MYO5A: variants seen among roughly 807,000 people sequenced by gnomAD.
MYO5A encodes myosin VA, also known as unconventional myosin-Va.
MYO5A carries 98 observed loss-of-function variants against 249.7 expected under a neutral mutation model. The observed-to-expected ratio is 0.39, with a 90% CI of 0.33 to 0.46. The LOEUF is 0.46. Among genes scored for constraint, MYO5A ranks in the 20% least tolerant of loss-of-function variants. The pLI, the probability that MYO5A is intolerant of heterozygous loss-of-function variation, is 0.98. For synonymous variants in MYO5A, 778 were observed against 810.6 expected (o/e 0.96, Z 0.68); for missense variants, 1,696 against 2,308.8 (o/e 0.73, Z 5.44).
At chr15:52,488,985 C>T (rs1405921052) in intron 1 of MYO5A, among the ~76,000 whole-genome samples, 1 of 152,138 alleles carries the variant, frequency 6.6e-6, no homozygotes, top group East Asian at 1.9e-4. Context: ...TTGTCAATAG[C>T]ATAACTAAAT....
rs2042270042 is a variant in MYO5A at position 52,392,206 on chromosome 15, C to T, written c.1402-136G>A. 5 of 841,326 alleles carry T rather than the reference C, an allele frequency of 5.9e-6. No individual in the cohort carries two copies. The South Asian group carries it at 6.5e-5, about 11-fold the overall frequency. 52.1% of individuals were successfully genotyped at this position (841,326 alleles called of 1,614,324 possible). On this transcript the variant is annotated intron_variant, in intron 11 of 41. Coordinates refer to ENST00000399233, the MANE Select transcript of MYO5A (RefSeq NM_001382347.1). ...CCTCACGGGAGAAGCATGATTTACA[C>T]ACAGAGAAAGCAAATAAAACAACAG... is the stretch of plus-strand genomic sequence containing the variant.
intron 5 of MYO5A, among the ~76,000 whole-genome samples, chr15:52,411,662 A>C (rs972148933): frequency 1.3e-5 from 2 of 152,236 alleles, no homozygotes; most frequent in Non-Finnish European, 2.9e-5. Flanking sequence ...AGGATTAGTA[A>C]ATTGAAACCA....
At chr15:52,501,654 C>T (rs1369467058) in intron 1 of MYO5A, among the ~76,000 whole-genome samples, 1 of 151,772 alleles carries the variant, frequency 6.6e-6, no homozygotes, top group Non-Finnish European at 1.5e-5. Flanking sequence ...TTTGTTTACA[C>T]TACTTGAAAA....
chr15:52,346,816 A>G (rs2039658796), intron 29 of MYO5A, among the ~76,000 whole-genome samples: 1 of 151,360 alleles, frequency 6.6e-6, no homozygotes, highest in African/African-American at 2.4e-5. Context: ...TAGTATATAC[A>G]GCATTAGAAA....
chr15:52,328,134 T>C lies in MYO5A; in HGVS notation c.4556-128A>G, dbSNP rs2038696184. The stretch of plus-strand genomic sequence containing the variant: ...CAAGGTAAGTAGGTAATATAAAAAG[T>C]GTATTTTAATAGCTCTTTAAGTAGA... On this transcript the variant is annotated intron_variant, in intron 35 of 41. Transcript: ENST00000399233. 4 of 755,614 alleles carry C rather than the reference T, an allele frequency of 5.3e-6. No homozygotes were observed. The Admixed American group carries it at 1.0e-4, about 19-fold the overall frequency. The allele number at this position is 755,614 out of a possible 1,614,324, so 46.8% of individuals were successfully genotyped here.
chr15:52,490,761 G>A (rs986155327), intron 1 of MYO5A, among the ~76,000 whole-genome samples: 7 of 152,024 alleles, frequency 4.6e-5, no homozygotes, highest in African/African-American at 1.7e-4. Context: ...TTCTGTTGCC[G>A]AGGCTGGAGT....
At chr15:52,364,939 CTAAT>C (rs1436497965) in intron 23 of MYO5A, among the ~76,000 whole-genome samples, 1 of 152,184 alleles carries the variant, frequency 6.6e-6, no homozygotes, top group Non-Finnish European at 1.5e-5. Context: ...CTTAGTACCA[CTAAT>C]TGATACACTG....
chr15:52,506,502 G>C (rs1657222811), intron 1 of MYO5A, among the ~76,000 whole-genome samples: 1 of 151,012 alleles, frequency 6.6e-6, no homozygotes, highest in Non-Finnish European at 1.5e-5. Context: ...ACTCCAGCCT[G>C]GGCAACAGAG....
intron 1 of MYO5A, among the ~76,000 whole-genome samples, chr15:52,517,667 C>T (rs558882631): frequency 2.0e-4 from 30 of 152,264 alleles, no homozygotes; most frequent in South Asian, 6.2e-4. Context: ...GCCAAGATCG[C>T]ACCAATGTGC....
chr15:52,466,794 C>A (rs916639278), intron 1 of MYO5A, among the ~76,000 whole-genome samples: 2 of 152,164 alleles, frequency 1.3e-5, no homozygotes, highest in Admixed American at 1.3e-4. Context: ...CCTGGGGGTT[C>A]CATGGCCCAA....
intron 28 of MYO5A, among the ~76,000 whole-genome samples, chr15:52,349,996 G>C (rs1028793442): frequency 6.6e-6 from 1 of 152,242 alleles, no homozygotes; most frequent in Non-Finnish European, 1.5e-5. Context: ...GCAGTGGCAC[G>C]ATCTCGGCTC....
chr15:52,452,334 T>C (rs1480037430), intron 1 of MYO5A, among the ~76,000 whole-genome samples: 1 of 152,108 alleles, frequency 6.6e-6, no homozygotes, highest in Non-Finnish European at 1.5e-5. Context: ...AAAATTTCCC[T>C]CTGACTGAGT....
intron 30 of MYO5A, 70 bp from the exon 31 acceptor site, chr15:52,343,267 A>T: frequency 8.1e-7 from 1 of 1,234,632 alleles, no homozygotes; most frequent in African/African-American, 1.5e-5. Flanking sequence ...GACGATGGTC[A>T]ACAGCAGCAT....
At chr15:52,422,755 C>T (rs2075307384) in intron 4 of MYO5A, among the ~76,000 whole-genome samples, 1 of 152,144 alleles carries the variant, frequency 6.6e-6, no homozygotes, top group South Asian at 2.1e-4. Context: ...CTTGCTCTGT[C>T]ACCCAGGCAG....
intron 5 of MYO5A, among the ~76,000 whole-genome samples, chr15:52,410,969 T>A (rs2444013): frequency 0.47 from 71,633 of 152,036 alleles, 18,655 homozygotes; most frequent in East Asian, 0.85. Flanking sequence ...ATATACTAAT[T>A]GTTTTTATTT....
intron 23 of MYO5A, 70 bp from the exon 24 acceptor site, chr15:52,364,772 C>T: frequency 1.3e-6 from 2 of 1,560,218 alleles, no homozygotes; most frequent in South Asian, 1.1e-5. Context: ...AACATGTATA[C>T]TGATTTCCAG....
intron 1 of MYO5A, among the ~76,000 whole-genome samples, chr15:52,475,282 T>G (rs1177799403): frequency 2.6e-5 from 4 of 152,224 alleles, no homozygotes; most frequent in African/African-American, 7.2e-5. Context: ...CTCTCTTTTC[T>G]TCTTTAGTAG....
chr15:52,444,079 G>T (rs894584053), intron 1 of MYO5A, among the ~76,000 whole-genome samples: 1 of 152,000 alleles, frequency 6.6e-6, no homozygotes, highest in Non-Finnish European at 1.5e-5. Flanking sequence ...GCAAATTGAT[G>T]GATATGCTTT....
chr15:52,433,276 C>A lies in MYO5A; in HGVS notation c.37G>T (p.Val13Phe). 6.2e-7 allele frequency: 1 copy of A among 1,612,312 alleles called. No homozygotes were observed. Among genetic ancestry groups the A allele is most frequent in the Non-Finnish European group, 8.5e-7 (1 of 1,178,638 alleles). ...ACTTCCTCTGGATCAGGTATCCAAA[C>A]CCTGGCAAACTAGAAGACAAAAAGA... ...ASELYTKFAR[V>F]WIPDPEEVWK... Residue 13 changes from valine to phenylalanine, a missense_variant, in exon 2 of 42, where the codon GTT becomes TTT. Physicochemically the swap from Val to Phe is conservative, Grantham distance 50. Around this residue, in one of 5 missense-constraint regions of MYO5A, gnomAD observed 197 missense variants for 320.3 expected, o/e 0.62. Transcript: ENST00000399233.
Sources: allele counts gnomAD v4.1 joint callset (sites outside exome capture counted in the v4.1 genomes callset), GRCh38; gene constraint gnomAD v4.1.1; regional missense constraint gnomAD v4.1.1; transcripts MANE v1.5; gene names NCBI Gene and HGNC (gene_info 2026-07-23, HGNC 2026-07-21).